The following TTC28 variants were observed in gnomAD, a reference collection of about 807,000 sequenced individuals.
The protein encoded by TTC28 is tetratricopeptide repeat protein 28.
A neutral mutation model predicts 198.0 loss-of-function variants in TTC28; 61 were observed. The ratio of observed to expected loss-of-function variants is 0.31; its 90% confidence interval spans 0.25 to 0.38. TTC28 has a LOEUF of 0.38. TTC28 is among the 10% of genes least tolerant of loss of function. The pLI, the probability that TTC28 is intolerant of heterozygous loss-of-function variation, is 1.00. For missense variants in TTC28, 2,678 were observed against 3,164.0 expected (o/e 0.85, Z 3.69); for synonymous variants, 1,171 against 1,297.8 (o/e 0.90, Z 2.10).
chr22:27,991,059 C>T (rs545184528), intron 19 of TTC28, among the ~76,000 whole-genome samples: 1 of 152,154 alleles, frequency 6.6e-6, no homozygotes, highest in Non-Finnish European at 1.5e-5. Flanking sequence ...GGCCTCCCTT[C>T]CCAGCCAGTA....
At chr22:28,177,301 G>T (rs1028279714) in intron 5 of TTC28, among the ~76,000 whole-genome samples, 1 of 152,138 alleles carries the variant, frequency 6.6e-6, no homozygotes, top group African/African-American at 2.4e-5. Context: ...AAACAACAAT[G>T]AGATACCACT....
intron 2 of TTC28, among the ~76,000 whole-genome samples, chr22:28,464,564 A>G (rs2047993380): frequency 6.6e-6 from 1 of 152,138 alleles, no homozygotes; most frequent in South Asian, 2.1e-4. Context: ...TATGAAAAAG[A>G]CTAAATTAAG....
At chr22:28,261,341 G>C (rs1931303520) in intron 5 of TTC28, among the ~76,000 whole-genome samples, 1 of 152,136 alleles carries the variant, frequency 6.6e-6, no homozygotes, top group East Asian at 1.9e-4. Context: ...ACCTGTGCAG[G>C]AATCGGGAAA....
chr22:28,068,521 A>G (rs746789030), intron 12 of TTC28, among the ~76,000 whole-genome samples: 4 of 152,082 alleles, frequency 2.6e-5, no homozygotes, highest in Non-Finnish European at 4.4e-5. Context: ...CCTGTTTTTT[A>G]GTCTCAGCGG....
rs532305867 is a variant in TTC28, at chr22:28,017,509, C to G, written c.4074-3117G>C. Reference sequence around the variant, plus strand: ...CTACAAGGGATGACTTGGTGGCACCCTGCCTGGACAAAGTGGAGGAGGTCA... The same window carrying G: ...CTACAAGGGATGACTTGGTGGCACCGTGCCTGGACAAAGTGGAGGAGGTCA... On this transcript the variant is annotated intron_variant, in intron 13 of 22. Coordinates refer to ENST00000397906, the MANE Select transcript of TTC28 (RefSeq NM_001145418.2). 2.0e-5 allele frequency among the ~76,000 whole-genome samples: 3 copies of G among 152,318 alleles called. No homozygotes were observed. The East Asian group carries it at 5.8e-4, about 29-fold the overall frequency.
chr22:28,127,413 C>A lies in TTC28; in HGVS notation c.1442-19010G>T, dbSNP rs567606800. ...CAGTGTAATGGTAGCAACAACCAACCAACCTCCCCTAATCCTTGCTCCCCT... is the reference window on the plus strand; with the variant it reads ...CAGTGTAATGGTAGCAACAACCAACAAACCTCCCCTAATCCTTGCTCCCCT... On this transcript the variant is annotated intron_variant, in intron 6 of 22. Transcript: ENST00000397906. 3.3e-5 allele frequency among the ~76,000 whole-genome samples: 5 copies of A among 152,226 alleles called. 1 individual carries two copies. In the East Asian group the frequency reaches 9.7e-4, roughly 29 times the overall value.
chr22:28,330,656 C>A (rs1448183560), intron 2 of TTC28, among the ~76,000 whole-genome samples: 1 of 152,084 alleles, frequency 6.6e-6, no homozygotes, highest in Non-Finnish European at 1.5e-5. Flanking sequence ...TGAAAGGGAT[C>A]TTTGGCATCT....
At chr22:28,511,562 G>GTGGC (rs2048688997) in intron 2 of TTC28, among the ~76,000 whole-genome samples, 1 of 152,096 alleles carries the variant, frequency 6.6e-6, no homozygotes, top group Admixed American at 6.6e-5. Flanking sequence ...GCCGGGCACA[G>GTGGC]TGGCTCAAGC....
intron 5 of TTC28, among the ~76,000 whole-genome samples, chr22:28,231,986 G>C (rs951433713): frequency 1.3e-5 from 2 of 152,124 alleles, no homozygotes; most frequent in African/African-American, 2.4e-5. Flanking sequence ...GCAGAGAGTT[G>C]GGAATTATGG....
chr22:28,571,969 C>A (rs1239404976), intron 2 of TTC28, among the ~76,000 whole-genome samples: 16 of 147,322 alleles, frequency 1.1e-4, no homozygotes, highest in South Asian at 6.5e-4. Flanking sequence ...AAAAAAAAAA[C>A]AAACAAAAAA....
chr22:28,098,322 C>T (rs1170576634), intron 10 of TTC28, among the ~76,000 whole-genome samples: 1 of 152,196 alleles, frequency 6.6e-6, no homozygotes, highest in Non-Finnish European at 1.5e-5. Context: ...GCTTGAACCA[C>T]ACGCTAGTGG....
At chr22:28,164,007 T>C (rs1569172284) in intron 5 of TTC28, among the ~76,000 whole-genome samples, 1 of 152,258 alleles carries the variant, frequency 6.6e-6, no homozygotes, top group Non-Finnish European at 1.5e-5. Context: ...ATCCCGCACC[T>C]GGCTCAGAGG....
Position 28,646,773 on chromosome 22 carries a change from G to A in TTC28, c.103-16943C>T, listed in dbSNP as rs1376355191. Among the ~76,000 whole-genome samples, 10 of 152,210 alleles carry A rather than the reference G, an allele frequency of 6.6e-5. No individual in the cohort carries two copies. The East Asian group carries it at 1.9e-3, about 29-fold the overall frequency. ...CCAGCTACTTGAGAGGCTGAGGCAT[G>A]AGAATCACTTGAAACAGGAGGTGGA... On this transcript the variant is annotated intron_variant, in intron 1 of 22. Transcript: ENST00000397906.
rs904956069 is a variant in TTC28, at chr22:28,617,402, C to T, written c.381+12150G>A. On this transcript the variant is annotated intron_variant, in intron 2 of 22. Coordinates refer to ENST00000397906, the MANE Select transcript of TTC28 (RefSeq NM_001145418.2). The stretch of plus-strand genomic sequence containing the variant: ...TAACAATTAGCACACACTGTAGTCC[C>T]AGCTACTGTGGAGAATCCTTTGAGC... Among the ~76,000 whole-genome samples the T allele has an allele frequency of 2.6e-5, 4 of 151,950 alleles. No homozygotes were observed. The South Asian group carries it at 8.3e-4, about 32-fold the overall frequency.
intron 6 of TTC28, among the ~76,000 whole-genome samples, chr22:28,109,287 A>T (rs1942417618): frequency 6.6e-6 from 1 of 152,230 alleles, no homozygotes; most frequent in Admixed American, 6.5e-5. Flanking sequence ...ATAATTATGA[A>T]GTCTATGCTG....
chr22:28,371,189 C>A (rs2046325644), intron 2 of TTC28, among the ~76,000 whole-genome samples: 1 of 151,824 alleles, frequency 6.6e-6, no homozygotes, highest in South Asian at 2.1e-4. Context: ...GTAATAGAAC[C>A]ATTTGTTTCC....
rs151162116 is a variant in TTC28 at position 28,179,227 on chromosome 22, T to G, written c.934-15628A>C. Among the ~76,000 whole-genome samples the G allele has an allele frequency of 6.6e-5, 10 of 151,630 alleles. No homozygotes were observed. In the East Asian group the frequency reaches 1.9e-3, roughly 29 times the overall value. On this transcript the variant is annotated intron_variant, in intron 5 of 22. Coordinates refer to ENST00000397906, the MANE Select transcript of TTC28 (RefSeq NM_001145418.2). ...AGGCCTGGAGTGCAGTGGTGCAATC[T>G]CAGCTCACTACAACCTCCGCCTCCC...
intron 5 of TTC28, among the ~76,000 whole-genome samples, chr22:28,181,852 A>C (rs1042195619): frequency 6.6e-6 from 1 of 152,202 alleles, no homozygotes; most frequent in African/African-American, 2.4e-5. Flanking sequence ...GCTTGAGCCC[A>C]GTGAGACCCT....
chr22:28,344,721 C>A (rs1408991051), intron 2 of TTC28, among the ~76,000 whole-genome samples: 1 of 152,066 alleles, frequency 6.6e-6, no homozygotes, highest in Admixed American at 6.6e-5. Context: ...GTCTCCCTAA[C>A]CTTAATTAGG....
Sources: allele counts gnomAD v4.1 joint callset (sites outside exome capture counted in the v4.1 genomes callset), GRCh38; gene constraint gnomAD v4.1.1; transcripts MANE v1.5; gene names NCBI Gene and HGNC (gene_info 2026-07-23, HGNC 2026-07-21).